Variants in BBX observed in about 807,000 individuals in gnomAD.
BBX encodes the protein HMG box transcription factor BBX.
Under a neutral mutation model 100.2 loss-of-function variants are expected in BBX, and 30 were observed. The ratio of observed to expected loss-of-function variants is 0.30; its 90% CI spans 0.22 to 0.41. The LOEUF is 0.41. Among genes scored for constraint, BBX ranks in the 10% least tolerant of loss-of-function variants. BBX has a pLI of 1.00. For synonymous variants in BBX, 376 were observed against 388.1 expected (o/e 0.97, Z 0.37); for missense variants, 1,023 against 1,129.8 (o/e 0.91, Z 1.35).
chr3:107,586,143 A>G (rs918386683), intron 2 of BBX, among the ~76,000 whole-genome samples: 4 of 152,210 alleles, frequency 2.6e-5, no homozygotes, highest in African/African-American at 7.2e-5. Context: ...TTTGGCTAAG[A>G]TAATTCACCC....
At position 107,604,175 on chromosome 3, in the gene BBX, C is replaced by T. The variant is rs190473304; in HGVS notation, c.-83-41661C>T. Among the ~76,000 whole-genome samples the T allele has an allele frequency of 2.0e-5, 3 of 152,194 alleles. No individual in the cohort carries two copies. In the East Asian group the frequency reaches 5.8e-4, roughly 29 times the overall value. On this transcript the variant is annotated intron_variant, in intron 2 of 17. Transcript: ENST00000325805. ...GCATTGATAGTTTTAAAACTATTCC[C>T]AGGTGTTTCTGATGTGTAGTCAGAC...
chr3:107,691,413 A>G (rs917395785), intron 3 of BBX, among the ~76,000 whole-genome samples: 3 of 152,210 alleles, frequency 2.0e-5, no homozygotes, highest in Non-Finnish European at 4.4e-5. Flanking sequence ...AGGAATATAA[A>G]TAACACCTGA....
chr3:107,674,078 C>T (rs1011437554), intron 3 of BBX, among the ~76,000 whole-genome samples: 7 of 152,200 alleles, frequency 4.6e-5, no homozygotes, highest in African/African-American at 1.2e-4. Flanking sequence ...ATTAATAACA[C>T]TTGTGATGAT....
At chr3:107,727,815 TAA>T (rs1438945256) in intron 5 of BBX, among the ~76,000 whole-genome samples, 6 of 152,218 alleles carry the variant, frequency 3.9e-5, no homozygotes, top group African/African-American at 7.2e-5. Context: ...TGTCACACAT[TAA>T]GTTACCATTT....
intron 5 of BBX, among the ~76,000 whole-genome samples, chr3:107,723,227 A>C (rs1038380950): frequency 6.6e-6 from 1 of 151,992 alleles, no homozygotes; most frequent in Non-Finnish European, 1.5e-5. Flanking sequence ...TCTAGACTGT[A>C]ATAATAACTG....
chr3:107,617,258 G>A (rs1242459564), intron 2 of BBX, among the ~76,000 whole-genome samples: 1 of 152,082 alleles, frequency 6.6e-6, no homozygotes, highest in Non-Finnish European at 1.5e-5. Context: ...GTGTCTGATC[G>A]TCCACTGATA....
intron 5 of BBX, among the ~76,000 whole-genome samples, chr3:107,723,563 T>C (rs907476995): frequency 6.6e-6 from 1 of 151,942 alleles, no homozygotes; most frequent in Non-Finnish European, 1.5e-5. Context: ...CTCCTGCCTC[T>C]CCCCACCCCA....
chr3:107,789,143 G>T (rs1262290971), intron 13 of BBX, among the ~76,000 whole-genome samples: 1 of 151,872 alleles, frequency 6.6e-6, no homozygotes, highest in Non-Finnish European at 1.5e-5. Context: ...CTTTGGGGAG[G>T]TCAGTGCTGT....
chr3:107,569,563 T>C (rs2107510756), intron 2 of BBX, among the ~76,000 whole-genome samples: 1 of 152,276 alleles, frequency 6.6e-6, no homozygotes, highest in East Asian at 1.9e-4. Flanking sequence ...GATGTGGCTA[T>C]AGCCTAGGAA....
chr3:107,582,542 AC>A (rs2052364203), intron 2 of BBX, among the ~76,000 whole-genome samples: 1 of 152,090 alleles, frequency 6.6e-6, no homozygotes, highest in Non-Finnish European at 1.5e-5. Flanking sequence ...AAAGGAGGGT[AC>A]GTTCTCCCTG....
intron 13 of BBX, among the ~76,000 whole-genome samples, chr3:107,787,022 C>T (rs1188618018): frequency 5.3e-5 from 8 of 152,036 alleles, no homozygotes; most frequent in African/African-American, 1.4e-4. Context: ...AATACGTGGC[C>T]GATAAGTACA....
intron 2 of BBX, among the ~76,000 whole-genome samples, chr3:107,620,222 C>T (rs1441125356): frequency 6.6e-6 from 1 of 152,026 alleles, no homozygotes; most frequent in Non-Finnish European, 1.5e-5. Flanking sequence ...GCTTTTAGTT[C>T]CAAAATTTCC....
chr3:107,754,615 GC>G (rs1387053656), intron 9 of BBX, among the ~76,000 whole-genome samples: 1 of 152,160 alleles, frequency 6.6e-6, no homozygotes, highest in Non-Finnish European at 1.5e-5. Flanking sequence ...CCCTCCTGGA[GC>G]TAACAACTTC....
At chr3:107,699,248 G>GA (rs1445394804) in intron 3 of BBX, among the ~76,000 whole-genome samples, 1 of 151,816 alleles carries the variant, frequency 6.6e-6, no homozygotes, top group Non-Finnish European at 1.5e-5. Flanking sequence ...GCTAAGCCCC[G>GA]AAGCAGGGAT....
chr3:107,556,978 A>G (rs1265123589), intron 2 of BBX, among the ~76,000 whole-genome samples: 2 of 152,174 alleles, frequency 1.3e-5, no homozygotes, highest in Non-Finnish European at 2.9e-5. Flanking sequence ...TGTGAATATT[A>G]TATTGTATTC....
intron 2 of BBX, among the ~76,000 whole-genome samples, chr3:107,576,851 A>T (rs1576364827): frequency 6.6e-6 from 1 of 151,710 alleles, no homozygotes; most frequent in South Asian, 2.1e-4. Flanking sequence ...TTGCAAGAAG[A>T]TATTTATTTA....
chr3:107,755,673 G>T lies in BBX; in HGVS notation c.901G>T (p.Ala301Ser), dbSNP rs1486075466. The change falls in exon 10 of 18, where the codon GCA (alanine) becomes TCA (serine). Residue 301 changes from alanine (A) to serine (S), a missense_variant. By Grantham distance (99) the Ala-to-Ser change is moderately conservative. Around this residue, in one of 9 missense-constraint regions of BBX, gnomAD observed 4 missense variants for 21.2 expected, o/e 0.19. Transcript: ENST00000325805. ...TGGAAAGTCTGCACTCTTTCAACTGGCAGAGGCAAGTTCCTAAGAATATAT... is the reference window on the plus strand; with the variant it reads ...TGGAAAGTCTGCACTCTTTCAACTGTCAGAGGCAAGTTCCTAAGAATATAT... ...RCGKSALFQL[A>S]EMCLASEGMK... The T allele has an allele frequency of 6.2e-7, 1 of 1,612,746 alleles. No homozygotes were observed. Among genetic ancestry groups the T allele is most frequent in the Non-Finnish European group, 8.5e-7 (1 of 1,178,812 alleles).
At chr3:107,772,605 C>T (rs772892396) in intron 10 of BBX, 23 bp from the exon 11 acceptor site, 2 of 1,544,278 alleles carry the variant, frequency 1.3e-6, no homozygotes, top group Non-Finnish European at 1.7e-6. Context: ...CGGGTGCTCT[C>T]CCATTTTGTT....
intron 13 of BBX, among the ~76,000 whole-genome samples, chr3:107,786,429 GTACTAGAATAAAGACAGA>G (rs2068435037): frequency 6.6e-6 from 1 of 152,128 alleles, no homozygotes; most frequent in Non-Finnish European, 1.5e-5. Flanking sequence ...AGAGAGTGTT[GTACTAGAATAAAGACAGA>G]CATATAAATC....
Sources: gnomAD v4.1 joint callset for allele counts (sites outside exome capture counted in the v4.1 genomes callset) on GRCh38, gnomAD v4.1.1 for gene constraint, gnomAD v4.1.1 regional missense constraint, MANE v1.5 for transcripts, NCBI Gene and HGNC (gene_info 2026-07-23, HGNC 2026-07-21) for gene names.